FBXW7: variants seen among roughly 807,000 people sequenced by gnomAD.
The protein encoded by FBXW7 is F-box and WD repeat domain containing 7.
In FBXW7, 11 loss-of-function variants were observed where a neutral mutation model predicts 86.3. The observed-to-expected ratio is 0.13, with a 90% CI of 0.08 to 0.21. The LOEUF (loss-of-function observed/expected upper bound fraction) is 0.21, where lower values mean the gene tolerates loss of function less well. Ranked by LOEUF, FBXW7 falls within the 10% of genes least tolerant of loss-of-function variation. The probability of loss-of-function intolerance (pLI) is 1.00; values close to 1 mark genes in which losing one functional copy is unlikely to be tolerated. For synonymous variants in FBXW7, 313 were observed against 297.9 expected (o/e 1.05, Z -0.52); for missense variants, 488 against 847.4 (o/e 0.58, Z 5.27).
chr4:152,531,437 C>T (rs1750016457), intron 2 of FBXW7, among the ~76,000 whole-genome samples: 1 of 152,060 alleles, frequency 6.6e-6, no homozygotes, highest in South Asian at 2.1e-4. Flanking sequence ...AACTAAGGAA[C>T]ACAAAAAAGT....
intron 2 of FBXW7, among the ~76,000 whole-genome samples, chr4:152,469,062 A>G (rs1338239606): frequency 6.6e-6 from 1 of 152,090 alleles, no homozygotes; most frequent in Admixed American, 6.5e-5. Flanking sequence ...TAAGAAAAAT[A>G]ATTTGGTCAA....
chr4:152,535,273 T>TC lies in FBXW7; in HGVS notation c.-360dup, dbSNP rs1229006525. Reference sequence around the variant, plus strand: ...TGGAGGCTGCGGCCGGCCCCCCGGGTCCCCCCCGGCCCCGCCGCCCTCGGG... The same window carrying TC: ...TGGAGGCTGCGGCCGGCCCCCCGGGTCCCCCCCCGGCCCCGCCGCCCTCGGG... On this transcript the variant is annotated 5_prime_UTR_variant, in exon 1 of 14. Transcript: ENST00000281708. The TC allele has an allele frequency of 3.8e-5, 10 of 265,134 alleles. No individual in the cohort carries two copies. The highest frequency in any genetic ancestry group is 1.9e-4 in the East Asian group (3 of 16,120). The allele number at this position is 265,134 out of a possible 1,614,324, so 16.4% of individuals were successfully genotyped here. A position where few individuals can be genotyped will look rare whatever the true frequency, so the allele number is the denominator to read the frequency against.
In FBXW7 at chr4:152,438,692, C is replaced by T. The variant is rs1450440555; in HGVS notation, c.-119-26163G>A. Among the ~76,000 whole-genome samples the T allele has an allele frequency of 3.3e-5, 5 of 152,032 alleles. No individual in the cohort carries two copies. The East Asian group carries it at 9.6e-4, about 29-fold the overall frequency. ...TCTGTCTCAAAAAAACAAAAACACT[C>T]TATTTTAAAACATAAAGCTATACAA... On this transcript the variant is annotated intron_variant, in intron 2 of 13. Coordinates refer to ENST00000281708, the MANE Select transcript of FBXW7 (RefSeq NM_001349798.2).
chr4:152,360,275 A>T (rs1018791473), intron 4 of FBXW7, among the ~76,000 whole-genome samples: 1 of 152,136 alleles, frequency 6.6e-6, no homozygotes, highest in Non-Finnish European at 1.5e-5. Context: ...AGTTACAAAC[A>T]CTGACAAACA....
At chr4:152,372,743 T>C (rs1273336546) in intron 4 of FBXW7, among the ~76,000 whole-genome samples, 3 of 152,046 alleles carry the variant, frequency 2.0e-5, no homozygotes, top group African/African-American at 7.2e-5. Context: ...AGTTTATATT[T>C]ACAAATTTAA....
intron 4 of FBXW7, among the ~76,000 whole-genome samples, chr4:152,351,418 A>G (rs1446097605): frequency 6.6e-5 from 10 of 152,120 alleles, no homozygotes; most frequent in Admixed American, 1.3e-4. Context: ...AAGAAATGGA[A>G]TTGATCTGGC....
At chr4:152,404,300 G>C (rs1737214946) in intron 4 of FBXW7, among the ~76,000 whole-genome samples, 1 of 152,172 alleles carries the variant, frequency 6.6e-6, no homozygotes, top group Admixed American at 6.5e-5. Context: ...TTCCAGCAGA[G>C]AGTTATTTTT....
intron 4 of FBXW7, chr4:152,352,879 C>G: frequency 1.4e-6 from 2 of 1,460,552 alleles, no homozygotes; most frequent in Non-Finnish European, 1.8e-6. Context: ...TTCCCTTGAA[C>G]ACAGAATGGT....
chr4:152,362,828 C>CA (rs35796895), intron 4 of FBXW7, among the ~76,000 whole-genome samples: 42,785 of 79,170 alleles, frequency 0.54, 11,253 homozygotes, highest in Non-Finnish European at 0.63. Flanking sequence ...CTCTCTCTCT[C>CA]AAAAAAAAAA....
intron 4 of FBXW7, among the ~76,000 whole-genome samples, chr4:152,377,277 A>G (rs1398039419): frequency 6.6e-6 from 1 of 152,158 alleles, no homozygotes; most frequent in Admixed American, 6.6e-5. Context: ...CATCTACTGA[A>G]TGGAGATAAA....
intron 2 of FBXW7, among the ~76,000 whole-genome samples, chr4:152,461,393 GT>G (rs1158135061): frequency 6.6e-6 from 1 of 151,882 alleles, no homozygotes; most frequent in African/African-American, 2.4e-5. Context: ...AGACTTTATT[GT>G]TTTTTATTGG....
At chr4:152,368,830 T>C (rs954479962) in intron 4 of FBXW7, among the ~76,000 whole-genome samples, 1 of 152,130 alleles carries the variant, frequency 6.6e-6, no homozygotes, top group Non-Finnish European at 1.5e-5. Flanking sequence ...ATTCTGAACA[T>C]CTGAGAATCT....
intron 4 of FBXW7, among the ~76,000 whole-genome samples, chr4:152,372,524 G>C (rs1168343194): frequency 6.6e-6 from 1 of 151,920 alleles, no homozygotes. Context: ...TTTTATGTTA[G>C]TTTGGGTTAG....
At chr4:152,404,028 G>C (rs1737189380) in intron 4 of FBXW7, among the ~76,000 whole-genome samples, 1 of 152,202 alleles carries the variant, frequency 6.6e-6, no homozygotes, top group Non-Finnish European at 1.5e-5. Context: ...GTTGATCTTA[G>C]AAAATTGCCA....
intron 2 of FBXW7, among the ~76,000 whole-genome samples, chr4:152,512,749 G>A (rs186887127): frequency 8.3e-4 from 127 of 152,310 alleles, no homozygotes; most frequent in African/African-American, 2.7e-3. Flanking sequence ...GAGGAAATGG[G>A]AAGTGACTCC....
intron 2 of FBXW7, among the ~76,000 whole-genome samples, chr4:152,466,683 C>T (rs2094944253): frequency 6.6e-6 from 1 of 152,176 alleles, no homozygotes; most frequent in South Asian, 2.1e-4. Flanking sequence ...TGGCTCACAC[C>T]TGTAATCCCA....
intron 2 of FBXW7, among the ~76,000 whole-genome samples, chr4:152,518,136 G>T: frequency 6.6e-6 from 1 of 151,530 alleles, no homozygotes; most frequent in East Asian, 2.0e-4. Context: ...TTACAGGCAC[G>T]CACCACCACA....
intron 2 of FBXW7, among the ~76,000 whole-genome samples, chr4:152,455,844 A>C (rs577605853): frequency 6.6e-6 from 1 of 152,092 alleles, no homozygotes; most frequent in Non-Finnish European, 1.5e-5. Flanking sequence ...CCTCCTTCTT[A>C]CAAGGACTCT....
intron 4 of FBXW7, among the ~76,000 whole-genome samples, chr4:152,377,751 T>C (rs1025786616): frequency 7.1e-6 from 1 of 139,910 alleles, no homozygotes; most frequent in Non-Finnish European, 1.5e-5. Flanking sequence ...GAAGAGTCTG[T>C]CTCAAAAAAA....
Sources: gnomAD v4.1 joint callset for allele counts (sites outside exome capture counted in the v4.1 genomes callset) on GRCh38, gnomAD v4.1.1 for gene constraint, MANE v1.5 for transcripts, NCBI Gene and HGNC (gene_info 2026-07-23, HGNC 2026-07-21) for gene names.